Variants in SOCS5 observed in about 807,000 individuals in gnomAD.
The protein encoded by SOCS5 is suppressor of cytokine signaling 5.
SOCS5 carries 32 observed loss-of-function variants against 42.8 expected under a neutral mutation model. That is an observed-to-expected ratio of 0.75 (90% CI 0.56 to 1.01). SOCS5 has a LOEUF of 1.01. Ranked by LOEUF, SOCS5 falls within the 50% of genes least tolerant of loss-of-function variation. The probability of loss-of-function intolerance (pLI) is 0.00; values close to 1 mark genes in which losing one functional copy is unlikely to be tolerated. For synonymous variants in SOCS5, 283 were observed against 229.6 expected, an observed-to-expected ratio of 1.23 and a Z score of -2.10; for missense variants, 627 against 653.0, an observed-to-expected ratio of 0.96 and a Z score of 0.43.
chr2:46,758,258 T>C (rs1347476058), intron 1 of SOCS5, among the ~76,000 whole-genome samples: 1 of 152,208 alleles, frequency 6.6e-6, no homozygotes, highest in Non-Finnish European at 1.5e-5. Context: ...TTATTTTCTT[T>C]CACCTGAGTT....
chr2:46,758,936 T>A lies in SOCS5; in HGVS notation c.406T>A (p.Leu136Met). The change falls in exon 2 of 2, where the codon TTG becomes ATG. Residue 136 changes from leucine to methionine, a missense_variant. This residue lies in a region of SOCS5 where 278 missense variants were observed against 246.3 expected (regional missense o/e 1.13). Transcript: ENST00000394861. The part of the protein sequence containing the change: ...HSCSTKTQSS[L>M]DADKKFGRTR... ...CTGTTCTACAAAGACCCAGAGTTCA[T>A]TGGATGCTGATAAAAAGTTTGGTAG... is the stretch of plus-strand genomic sequence containing the variant. 6.2e-7 allele frequency: 1 copy of A among 1,613,948 alleles called. No homozygotes were observed. Among genetic ancestry groups the A allele is most frequent in the Non-Finnish European group, 8.5e-7 (1 of 1,179,860 alleles).
intron 1 of SOCS5, among the ~76,000 whole-genome samples, chr2:46,740,541 A>T (rs1379899294): frequency 6.6e-6 from 1 of 152,176 alleles, no homozygotes; most frequent in Non-Finnish European, 1.5e-5. Context: ...AGAGAGAGAT[A>T]GGAGGGGCCT....
chr2:46,750,271 C>T (rs1558411987), intron 1 of SOCS5, among the ~76,000 whole-genome samples: 1 of 152,136 alleles, frequency 6.6e-6, no homozygotes, highest in Non-Finnish European at 1.5e-5. Context: ...TTCTGCTAGG[C>T]TCGGCGTGCC....
Position 46,759,156 on chromosome 2 carries a change from ATC to A in SOCS5, c.632_633del (p.Ser211Ter). On this transcript the variant is annotated frameshift_variant, in exon 2 of 2. Coordinates refer to ENST00000394861, the MANE Select transcript of SOCS5 (RefSeq NM_144949.3). LOFTEE classifies it high-confidence loss of function. The stretch of plus-strand genomic sequence containing the variant: ...CTCTTTTCCAATAAAAGAAAAATCC[ATC>A]TCTCTGAATTAATGCTTGAGAAATG... 2 of 1,613,990 alleles carry A rather than the reference ATC, an allele frequency of 1.2e-6. No individual in the cohort carries two copies. The highest frequency in any genetic ancestry group is 1.7e-6 in the Non-Finnish European group (2 of 1,179,858).
At chr2:46,713,963 C>G (rs1456893113) in intron 1 of SOCS5, among the ~76,000 whole-genome samples, 1 of 152,018 alleles carries the variant, frequency 6.6e-6, no homozygotes, top group Non-Finnish European at 1.5e-5. Context: ...TTTCAGGTAT[C>G]CTTTTGTTAC....
chr2:46,739,264 T>A (rs911757696), intron 1 of SOCS5, among the ~76,000 whole-genome samples: 1 of 152,210 alleles, frequency 6.6e-6, no homozygotes, highest in Non-Finnish European at 1.5e-5. Context: ...TGTCATAAGA[T>A]GTAATATCTT....
chr2:46,704,493 A>G (rs1672416778), intron 1 of SOCS5, among the ~76,000 whole-genome samples: 1 of 152,228 alleles, frequency 6.6e-6, no homozygotes, highest in African/African-American at 2.4e-5. Flanking sequence ...GGTAGAGAAA[A>G]GTGTTGAGGT....
At chr2:46,715,915 A>G (rs561276502) in intron 1 of SOCS5, among the ~76,000 whole-genome samples, 1 of 152,188 alleles carries the variant, frequency 6.6e-6, no homozygotes, top group East Asian at 1.9e-4. Flanking sequence ...CTAATCCCAC[A>G]TATGTTCAAC....
At chr2:46,719,820 AAAG>A (rs1672839936) in intron 1 of SOCS5, among the ~76,000 whole-genome samples, 1 of 152,220 alleles carries the variant, frequency 6.6e-6, no homozygotes, top group African/African-American at 2.4e-5. Context: ...ACCAGACCTG[AAAG>A]AAGAATGACC....
chr2:46,731,254 G>T (rs779199456), intron 1 of SOCS5, among the ~76,000 whole-genome samples: 1 of 152,148 alleles, frequency 6.6e-6, no homozygotes, highest in Non-Finnish European at 1.5e-5. Flanking sequence ...AATGGGATTC[G>T]TGCCTTTGTA....
At chr2:46,714,139 GT>G (rs1267223237) in intron 1 of SOCS5, among the ~76,000 whole-genome samples, 2 of 152,084 alleles carry the variant, frequency 1.3e-5, no homozygotes, top group African/African-American at 4.8e-5. Context: ...TAGGTGGGGT[GT>G]TCTATAGATG....
chr2:46,728,232 A>G (rs1283005225), intron 1 of SOCS5, among the ~76,000 whole-genome samples: 2 of 152,044 alleles, frequency 1.3e-5, no homozygotes, highest in African/African-American at 4.8e-5. Context: ...TTTGCCATCT[A>G]CCTCCCACCA....
In SOCS5 at chr2:46,702,000, TAGAG is replaced by T. The variant is rs1252871345; in HGVS notation, c.-13+2553_-13+2556del. 2.0e-5 allele frequency among the ~76,000 whole-genome samples: 3 copies of T among 151,936 alleles called. No individual in the cohort carries two copies. The East Asian group carries it at 5.8e-4, about 30-fold the overall frequency. On this transcript the variant is annotated intron_variant, in intron 1 of 1. Coordinates refer to ENST00000394861, the MANE Select transcript of SOCS5 (RefSeq NM_144949.3). ...TACATCATTCCTATCATAGTTATAA[TAGAG>T]AAAGACAGGATTTGTATCCCAGCCC...
chr2:46,754,423 T>A (rs1289789265), intron 1 of SOCS5, among the ~76,000 whole-genome samples: 2 of 152,132 alleles, frequency 1.3e-5, no homozygotes, highest in Non-Finnish European at 2.9e-5. Flanking sequence ...TCATTCAACT[T>A]TATAAAACTC....
intron 1 of SOCS5, among the ~76,000 whole-genome samples, chr2:46,728,711 A>G (rs1673047547): frequency 6.6e-6 from 1 of 152,152 alleles, no homozygotes; most frequent in Non-Finnish European, 1.5e-5. Flanking sequence ...GTGTGCCACC[A>G]TGCCCGGCTA....
chr2:46,741,615 A>G (rs898834173), intron 1 of SOCS5, among the ~76,000 whole-genome samples: 3 of 152,174 alleles, frequency 2.0e-5, no homozygotes, highest in African/African-American at 4.8e-5. Flanking sequence ...ATTTTTTAAA[A>G]AATGTTTGTG....
chr2:46,723,615 A>T (rs1475027494), intron 1 of SOCS5, among the ~76,000 whole-genome samples: 1 of 152,012 alleles, frequency 6.6e-6, no homozygotes, highest in African/African-American at 2.4e-5. Context: ...TCTCTTTCTC[A>T]GCTCTATTCT....
chr2:46,714,983 A>G (rs1191688013), intron 1 of SOCS5, among the ~76,000 whole-genome samples: 5 of 152,188 alleles, frequency 3.3e-5, no homozygotes, highest in African/African-American at 7.2e-5. Flanking sequence ...TTCAAGAATC[A>G]TAATAGTTAC....
intron 1 of SOCS5, among the ~76,000 whole-genome samples, chr2:46,704,230 A>T (rs1672409909): frequency 6.6e-6 from 1 of 152,180 alleles, no homozygotes; most frequent in Non-Finnish European, 1.5e-5. Flanking sequence ...CTTTAAATTG[A>T]CTTCCTTATT....
Sources: allele counts gnomAD v4.1 joint callset (sites outside exome capture counted in the v4.1 genomes callset), GRCh38; gene constraint gnomAD v4.1.1; regional missense constraint gnomAD v4.1.1; transcripts MANE v1.5; gene names NCBI Gene and HGNC (gene_info 2026-07-23, HGNC 2026-07-21).